Variants in POU2F1 observed in about 807,000 individuals in gnomAD.
POU2F1 encodes the protein POU class 2 homeobox 1.
A neutral mutation model predicts 84.9 loss-of-function variants in POU2F1; 16 were observed. The ratio of observed to expected loss-of-function variants is 0.19; its 90% CI spans 0.13 to 0.29. The LOEUF (loss-of-function observed/expected upper bound fraction) is 0.29, where lower values mean the gene tolerates loss of function less well. POU2F1 is among the 10% of genes least tolerant of loss of function. The probability of loss-of-function intolerance (pLI) is 1.00; values close to 1 mark genes in which losing one functional copy is unlikely to be tolerated. For synonymous variants in POU2F1, 368 were observed against 368.3 expected (o/e 1.00, Z 0.01); for missense variants, 738 against 942.6 (o/e 0.78, Z 2.84).
intron 1 of POU2F1, among the ~76,000 whole-genome samples, chr1:167,330,815 G>T (rs1178334970): frequency 6.6e-6 from 1 of 152,052 alleles, no homozygotes; most frequent in East Asian, 1.9e-4. Context: ...GCTTATTTCT[G>T]CGGTGCCCAC....
At chr1:167,265,510 C>T (rs1254973376) in intron 1 of POU2F1, among the ~76,000 whole-genome samples, 1 of 152,118 alleles carries the variant, frequency 6.6e-6, no homozygotes, top group African/African-American at 2.4e-5. Context: ...CTAATGGCAG[C>T]AGCATGTGGT....
At chr1:167,235,680 C>T (rs1032609) in intron 1 of POU2F1, among the ~76,000 whole-genome samples, 136,012 of 152,230 alleles carry the variant, frequency 0.89, 62,023 homozygotes, top group East Asian at 1. Flanking sequence ...TAGTGCATAT[C>T]CTATTATATA....
At chr1:167,387,522 C>T (rs1465175525) in intron 8 of POU2F1, among the ~76,000 whole-genome samples, 5 of 152,314 alleles carry the variant, frequency 3.3e-5, no homozygotes, top group Middle Eastern at 3.4e-3. Context: ...CTCCAGTTGT[C>T]GCCTGTGTAA....
intron 7 of POU2F1, among the ~76,000 whole-genome samples, chr1:167,382,645 C>T (rs1163189401): frequency 1.3e-5 from 2 of 152,238 alleles, no homozygotes; most frequent in Non-Finnish European, 1.5e-5. Flanking sequence ...GGAGGATGGT[C>T]ATTTAAACTT....
In POU2F1 at chr1:167,376,088, G is replaced by C; in HGVS notation, c.651G>C (p.Leu217Phe). ...ATCTCAACCTGCAACAGTTTGTGTT[G>C]GTGCATCCAACCACCAATTTGCAGC... ...QQNLNLQQFV[L>F]VHPTTNLQPA... The change falls in exon 7 of 16, where the codon TTG (leucine) becomes TTC (phenylalanine). Residue 217 changes from leucine to phenylalanine, a missense_variant. Leu to Phe is a conservative substitution (Grantham distance 22). Coordinates refer to ENST00000367866, the MANE Select transcript of POU2F1 (RefSeq NM_002697.4). The C allele has an allele frequency of 6.2e-7, 1 of 1,614,130 alleles. No homozygotes were observed. The highest frequency in any genetic ancestry group is 8.5e-7 in the Non-Finnish European group (1 of 1,180,012).
intron 1 of POU2F1, among the ~76,000 whole-genome samples, chr1:167,296,370 TCTTA>T (rs1265121888): frequency 2.6e-5 from 4 of 152,182 alleles, no homozygotes; most frequent in African/African-American, 9.6e-5. Context: ...CCACAGTGGT[TCTTA>T]CTTGTTTTTA....
intron 1 of POU2F1, among the ~76,000 whole-genome samples, chr1:167,254,588 A>G (rs566203017): frequency 8.7e-4 from 133 of 152,360 alleles, no homozygotes; most frequent in Admixed American, 1.7e-3. Flanking sequence ...AACAATCAGC[A>G]AGTACTATTC....
chr1:167,292,167 GTT>G (rs1653971400), intron 1 of POU2F1, among the ~76,000 whole-genome samples: 2 of 151,966 alleles, frequency 1.3e-5, no homozygotes, highest in Non-Finnish European at 2.9e-5. Context: ...TTGGTTTTCT[GTT>G]ACCATCTTTT....
At chr1:167,284,203 A>T (rs1022420965) in intron 1 of POU2F1, among the ~76,000 whole-genome samples, 18 of 152,064 alleles carry the variant, frequency 1.2e-4, no homozygotes, top group East Asian at 1.9e-4. Context: ...ATGGTAATAA[A>T]TTTTTTTTGT....
chr1:167,264,212 G>GTT (rs111752430), intron 1 of POU2F1, among the ~76,000 whole-genome samples: 1 of 148,310 alleles, frequency 6.7e-6, no homozygotes. Flanking sequence ...TTAAGGAAGT[G>GTT]TTTTTTTTTT....
intron 1 of POU2F1, among the ~76,000 whole-genome samples, chr1:167,266,529 A>G (rs1390819936): frequency 1.3e-5 from 2 of 152,312 alleles, no homozygotes; most frequent in Admixed American, 6.5e-5. Context: ...CAGAATGTCA[A>G]ATATTTAAAA....
chr1:167,299,327 T>A (rs951492708), intron 1 of POU2F1, among the ~76,000 whole-genome samples: 1 of 152,116 alleles, frequency 6.6e-6, no homozygotes, highest in African/African-American at 2.4e-5. Flanking sequence ...GTATGTTTTT[T>A]AAAAAAATCT....
At chr1:167,409,333 T>A (rs1262701627) in intron 13 of POU2F1, among the ~76,000 whole-genome samples, 1 of 152,168 alleles carries the variant, frequency 6.6e-6, no homozygotes, top group Non-Finnish European at 1.5e-5. Context: ...AAGTGCCAGG[T>A]ACTATATACA....
At chr1:167,414,785 G>C (rs1650193578) in intron 15 of POU2F1, 1 of 918,678 alleles carries the variant, frequency 1.1e-6, no homozygotes, top group Non-Finnish European at 1.3e-6. Context: ...CTCAGGAAGT[G>C]AGAAATTAAT....
intron 1 of POU2F1, among the ~76,000 whole-genome samples, chr1:167,237,281 C>CT (rs2102358312): frequency 6.6e-6 from 1 of 152,286 alleles, no homozygotes; most frequent in South Asian, 2.1e-4. Context: ...CCTACCTAGA[C>CT]TTTCTGCTGG....
chr1:167,414,551 A>G (rs557246015), intron 15 of POU2F1: 2 of 985,446 alleles, frequency 2.0e-6, no homozygotes, highest in East Asian at 2.3e-4. Context: ...AGATTTAGGA[A>G]TGTTGCCAGA....
intron 1 of POU2F1, among the ~76,000 whole-genome samples, chr1:167,269,124 C>T (rs1012653796): frequency 6.6e-6 from 1 of 151,900 alleles, no homozygotes; most frequent in Admixed American, 6.6e-5. Flanking sequence ...CATTACTTTT[C>T]ATTGGGATTG....
In POU2F1 at chr1:167,280,191, GAAA is replaced by G. The variant is rs56375901; in HGVS notation, c.62-52267_62-52265del. ...CGACAGAGTGATACTCTGTCTCGGGGAAAAAAAAAAAAAACTTATTGTAAATGT... is the reference window on the plus strand; with the variant it reads ...CGACAGAGTGATACTCTGTCTCGGGGAAAAAAAAAAACTTATTGTAAATGT... On this transcript the variant is annotated intron_variant, in intron 1 of 15. Transcript: ENST00000367866. 9.5e-5 allele frequency among the ~76,000 whole-genome samples: 6 copies of G among 63,006 alleles called. No individual in the cohort carries two copies. The South Asian group carries it at 2.7e-3, about 28-fold the overall frequency. 41.3% of individuals were successfully genotyped at this position (63,006 alleles called of 152,430 possible). A position where few individuals can be genotyped will look rare whatever the true frequency, so the allele number is the denominator to read the frequency against.
intron 1 of POU2F1, among the ~76,000 whole-genome samples, chr1:167,321,723 G>A (rs1363437421): frequency 6.6e-6 from 1 of 152,150 alleles, no homozygotes; most frequent in Non-Finnish European, 1.5e-5. Context: ...CATCAAAAAT[G>A]ATACCCTAAA....
Sources: gnomAD v4.1 joint callset for allele counts (sites outside exome capture counted in the v4.1 genomes callset) on GRCh38, gnomAD v4.1.1 for gene constraint, MANE v1.5 for transcripts, NCBI Gene and HGNC (gene_info 2026-07-23, HGNC 2026-07-21) for gene names.